SPICE1: variants seen among roughly 807,000 people sequenced by gnomAD.
SPICE1 encodes spindle and centriole-associated protein 1.
A neutral mutation model predicts 102.7 loss-of-function variants in SPICE1; 75 were observed. That is an observed-to-expected ratio of 0.73 (90% confidence interval 0.61 to 0.88). The LOEUF (loss-of-function observed/expected upper bound fraction) is 0.88. Among genes scored for constraint, SPICE1 ranks in the 40% least tolerant of loss-of-function variants. The pLI, the probability that SPICE1 is intolerant of heterozygous loss-of-function variation, is 0.00. For synonymous variants in SPICE1, 308 were observed against 350.3 expected (o/e 0.88, Z 1.35); for missense variants, 979 against 1,020.1 (o/e 0.96, Z 0.55).
In SPICE1 at chr3:113,457,145, G is replaced by A. The variant is rs761104697; in HGVS notation, c.1648C>T (p.Leu550Phe). The change falls in exon 13 of 18, where the codon CTT becomes TTT. Residue 550 changes from leucine to phenylalanine, a missense_variant. Transcript: ENST00000295872. ...TTAGAAGAAGACTTACCGTCCTGAAGAGGAGAGAATTTTAAGTTGCTCTTC... is the reference window on the plus strand; with the variant it reads ...TTAGAAGAAGACTTACCGTCCTGAAAAGGAGAGAATTTTAAGTTGCTCTTC... ...RQKSNLKFSP[L>F]QDVLRRTVQT... 1 of 1,614,100 alleles carries A rather than the reference G, an allele frequency of 6.2e-7. No individual in the cohort carries two copies. Among genetic ancestry groups the A allele is most frequent in the Non-Finnish European group, 8.5e-7 (1 of 1,179,956 alleles).
chr3:113,504,571 C>CAAAAAAA (rs71633321), intron 2 of SPICE1, among the ~76,000 whole-genome samples: 62 of 67,832 alleles, frequency 9.1e-4, no homozygotes, highest in African/African-American at 3.0e-3. Flanking sequence ...GACCTTGTCT[C>CAAAAAAA]AAAAAAAAAA....
intron 2 of SPICE1, 92 bp from the exon 3 acceptor site, chr3:113,503,319 CAA>C: frequency 7.8e-7 from 1 of 1,282,788 alleles, no homozygotes. Context: ...AAAATGGTTT[CAA>C]AATCCTAGGA....
chr3:113,498,952 A>G (rs1559975008), intron 4 of SPICE1: 1 of 151,708 alleles, frequency 6.6e-6, no homozygotes, highest in South Asian at 2.1e-4. Context: ...ATACAACATC[A>G]TTTTTTTTTC....
chr3:113,496,059 C>CTTTTTTTTTTTTTTTTTTTT (rs10557473), intron 4 of SPICE1, among the ~76,000 whole-genome samples: 1 of 82,936 alleles, frequency 1.2e-5, no homozygotes. Context: ...TTTTTTACAA[C>CTTTTTTTTTTTTTTTTTTTT]TTTTTTTTTT....
At chr3:113,459,731 A>T (rs1320813581) in intron 12 of SPICE1, 6 of 718,224 alleles carry the variant, frequency 8.4e-6, no homozygotes, top group Non-Finnish European at 6.8e-6. Flanking sequence ...AAAACACAAA[A>T]ATCAGCCAGG....
intron 15 of SPICE1, 138 bp downstream of exon 15, chr3:113,450,198 G>C (rs961642015): frequency 8.5e-6 from 7 of 827,616 alleles, no homozygotes; most frequent in Middle Eastern, 3.1e-4. Context: ...GTGAGTTAGG[G>C]CTATTTCTTT....
intron 2 of SPICE1, among the ~76,000 whole-genome samples, chr3:113,504,571 C>CAAAAAA (rs71633321): frequency 6.8e-4 from 46 of 67,832 alleles, no homozygotes; most frequent in African/African-American, 2.2e-3. Context: ...GACCTTGTCT[C>CAAAAAA]AAAAAAAAAA....
intron 7 of SPICE1, among the ~76,000 whole-genome samples, chr3:113,470,315 A>G (rs1936166208): frequency 6.6e-6 from 1 of 152,208 alleles, no homozygotes. Flanking sequence ...TTCTGGAGAG[A>G]AGGGCAAGAG....
chr3:113,514,968 C>T lies in SPICE1; in HGVS notation c.-72G>A. 1.4e-6 allele frequency: 1 copy of T among 725,450 alleles called. No homozygotes were observed. The highest frequency in any genetic ancestry group is 1.9e-5 in the African/African-American group (1 of 53,272). The allele number at this position is 725,450 out of a possible 1,614,324, so 44.9% of individuals were successfully genotyped here. ...GATTCCCCAACCGGGCGCCTGGATC[C>T]CAGGCAACAGACAGATGCCACCACC... On this transcript the variant is annotated 5_prime_UTR_variant, in exon 1 of 18. Coordinates refer to ENST00000295872, the MANE Select transcript of SPICE1 (RefSeq NM_144718.4).
chr3:113,455,557 A>G (rs1935761024), intron 13 of SPICE1, among the ~76,000 whole-genome samples: 1 of 152,242 alleles, frequency 6.6e-6, no homozygotes, highest in South Asian at 2.1e-4. Context: ...GAACATTTTC[A>G]TCAACCCAGA....
intron 6 of SPICE1, among the ~76,000 whole-genome samples, chr3:113,489,868 A>C (rs1201622468): frequency 6.8e-6 from 1 of 146,280 alleles, no homozygotes; most frequent in Non-Finnish European, 1.5e-5. Context: ...AAAAAAAAAA[A>C]ACGCTACTTG....
rs764235468 is a variant in SPICE1, at chr3:113,445,291, T to A, written c.*16A>T. ...AATAAATTATTAAGAACAAACTCAG[T>A]GAGACTTGACTTCACTTATGATACA... On this transcript the variant is annotated 3_prime_UTR_variant, in exon 18 of 18. Transcript: ENST00000295872. 34 of 1,606,388 alleles carry A rather than the reference T, an allele frequency of 2.1e-5. No homozygotes were observed. In the South Asian group the frequency reaches 3.7e-4, roughly 17 times the overall value.
At chr3:113,483,847 T>C (rs1936578967) in intron 7 of SPICE1, among the ~76,000 whole-genome samples, 1 of 152,198 alleles carries the variant, frequency 6.6e-6, no homozygotes, top group Non-Finnish European at 1.5e-5. Flanking sequence ...TCTTTTTTTG[T>C]TGTGTCTCTG....
intron 10 of SPICE1, among the ~76,000 whole-genome samples, chr3:113,467,231 A>C (rs1484720543): frequency 6.6e-6 from 1 of 152,194 alleles, no homozygotes; most frequent in Non-Finnish European, 1.5e-5. Flanking sequence ...CACATAGCTA[A>C]CTCTAATTCT....
intron 4 of SPICE1, among the ~76,000 whole-genome samples, chr3:113,497,557 C>T (rs955141834): frequency 5.2e-4 from 79 of 152,164 alleles, no homozygotes; most frequent in African/African-American, 1.9e-3. Flanking sequence ...TCAACCCCTG[C>T]AGCACATTCA....
intron 7 of SPICE1, among the ~76,000 whole-genome samples, chr3:113,478,832 T>C (rs1936422972): frequency 6.6e-6 from 1 of 152,078 alleles, no homozygotes. Context: ...TTGTAAAAAT[T>C]TGATCATATA....
chr3:113,494,231 A>T (rs1936824840), intron 4 of SPICE1, 89 bp from the exon 5 acceptor site: 1 of 840,638 alleles, frequency 1.2e-6, no homozygotes, highest in African/African-American at 1.7e-5. Flanking sequence ...GGCCTGGAGC[A>T]TGAAAATAAC....
chr3:113,458,747 C>A (rs1017057152), intron 12 of SPICE1, among the ~76,000 whole-genome samples: 1 of 151,850 alleles, frequency 6.6e-6, no homozygotes, highest in African/African-American at 2.4e-5. Flanking sequence ...TCCCGGCCAT[C>A]ATCCCGTCTA....
chr3:113,481,572 C>G (rs960145501), intron 7 of SPICE1, among the ~76,000 whole-genome samples: 7 of 152,072 alleles, frequency 4.6e-5, no homozygotes, highest in African/African-American at 1.2e-4. Flanking sequence ...CCTAGCCCCC[C>G]CAACCCTCCA....
Sources: gnomAD v4.1 joint callset for allele counts (sites outside exome capture counted in the v4.1 genomes callset) on GRCh38, gnomAD v4.1.1 for gene constraint, MANE v1.5 for transcripts, NCBI Gene and HGNC (gene_info 2026-07-23, HGNC 2026-07-21) for gene names.